The following CDH13 variants were observed in gnomAD, a reference collection of about 807,000 sequenced individuals.
CDH13 encodes cadherin 13.
CDH13 carries 24 observed loss-of-function variants against 63.8 expected under a neutral mutation model. That is an observed-to-expected ratio of 0.38 (90% CI 0.27 to 0.53). The LOEUF is 0.53. Ranked by LOEUF, CDH13 falls within the 20% of genes least tolerant of loss-of-function variation. The probability of loss-of-function intolerance (pLI) is 0.85; values close to 1 mark genes in which losing one functional copy is unlikely to be tolerated. For missense variants in CDH13, 1,049 were observed against 903.1 expected (o/e 1.16, Z -2.07); for synonymous variants, 503 against 355.3 (o/e 1.42, Z -4.67).
intron 6 of CDH13, among the ~76,000 whole-genome samples, chr16:83,370,599 T>G (rs1443445156): frequency 6.6e-6 from 1 of 152,108 alleles, no homozygotes; most frequent in Non-Finnish European, 1.5e-5. Context: ...AGGTAGTTTT[T>G]TTGTTCTCAC....
intron 10 of CDH13, chr16:83,735,283 C>A (rs532696259): frequency 3.3e-5 from 5 of 152,314 alleles, no homozygotes; most frequent in African/African-American, 1.2e-4. Context: ...TCCCAAAGGA[C>A]CTCTCCCCAG....
At chr16:83,488,373 T>C (rs17759207) in intron 7 of CDH13, among the ~76,000 whole-genome samples, 15,332 of 151,936 alleles carry the variant, frequency 0.1, 828 homozygotes, top group Middle Eastern at 0.22. Flanking sequence ...TTTGTTGGCA[T>C]AGAGGGAAAA....
chr16:82,988,420 A>C (rs1911225678), intron 2 of CDH13, among the ~76,000 whole-genome samples: 1 of 152,040 alleles, frequency 6.6e-6, no homozygotes, highest in South Asian at 2.1e-4. Context: ...TTATAGAGGC[A>C]GATGTTGAAG....
intron 5 of CDH13, among the ~76,000 whole-genome samples, chr16:83,284,177 G>C (rs2089252838): frequency 1.3e-5 from 2 of 152,084 alleles, no homozygotes; most frequent in Admixed American, 1.3e-4. Context: ...TTAGTTCTGG[G>C]GAAGTGTTGG....
At chr16:83,429,887 A>G (rs2072042273) in intron 6 of CDH13, among the ~76,000 whole-genome samples, 1 of 152,214 alleles carries the variant, frequency 6.6e-6, no homozygotes, top group Non-Finnish European at 1.5e-5. Flanking sequence ...GCCAAAAGCT[A>G]TCTAGAGCTA....
intron 3 of CDH13, among the ~76,000 whole-genome samples, chr16:83,118,055 C>T (rs775586257): frequency 1.3e-5 from 2 of 152,146 alleles, no homozygotes; most frequent in Non-Finnish European, 2.9e-5. Flanking sequence ...TCCCTGAAGA[C>T]ACAACACTGC....
chr16:83,367,308 T>A (rs1290652430), intron 6 of CDH13, among the ~76,000 whole-genome samples: 1 of 152,240 alleles, frequency 6.6e-6, no homozygotes, highest in East Asian at 1.9e-4. Context: ...AGCACTTCAT[T>A]TCATTTTATT....
intron 6 of CDH13, among the ~76,000 whole-genome samples, chr16:83,429,727 C>T (rs772999067): frequency 6.6e-6 from 1 of 152,154 alleles, no homozygotes; most frequent in Non-Finnish European, 1.5e-5. Context: ...TGTAAAATAC[C>T]TTTATAATAT....
At chr16:83,416,203 A>G (rs1567657499) in intron 6 of CDH13, among the ~76,000 whole-genome samples, 1 of 152,232 alleles carries the variant, frequency 6.6e-6, no homozygotes, top group Non-Finnish European at 1.5e-5. Flanking sequence ...ACAGTGAAAG[A>G]CATGTATTCT....
chr16:82,688,777 A>G (rs1483003904), intron 1 of CDH13, among the ~76,000 whole-genome samples: 2 of 152,240 alleles, frequency 1.3e-5, no homozygotes, highest in African/African-American at 4.8e-5. Flanking sequence ...AAAGCAATAA[A>G]ATAAGGTAAG....
intron 1 of CDH13, among the ~76,000 whole-genome samples, chr16:82,696,749 C>A (rs192935038): frequency 2.0e-5 from 3 of 152,026 alleles, no homozygotes. Flanking sequence ...AGAAATTTTC[C>A]CCAAATTTAG....
At chr16:83,557,742 A>G (rs1301505884) in intron 7 of CDH13, among the ~76,000 whole-genome samples, 2 of 151,930 alleles carry the variant, frequency 1.3e-5, no homozygotes, top group African/African-American at 2.4e-5. Context: ...CTTGGTTGGT[A>G]CCTTTCATCT....
At chr16:83,592,032 C>A (rs1374684045) in intron 7 of CDH13, among the ~76,000 whole-genome samples, 2 of 152,182 alleles carry the variant, frequency 1.3e-5, no homozygotes, top group African/African-American at 4.8e-5. Context: ...CTCCACCTCT[C>A]CACCTATAAT....
intron 1 of CDH13, among the ~76,000 whole-genome samples, chr16:82,846,214 C>G (rs1183954297): frequency 6.6e-6 from 1 of 152,174 alleles, no homozygotes; most frequent in African/African-American, 2.4e-5. Flanking sequence ...TTTCAATCAT[C>G]TTTCTAATAT....
At chr16:83,378,608 A>G (rs1182796962) in intron 6 of CDH13, among the ~76,000 whole-genome samples, 2 of 152,158 alleles carry the variant, frequency 1.3e-5, no homozygotes, top group East Asian at 1.9e-4. Flanking sequence ...AGACTCTGAT[A>G]TGATCCAGTT....
At chr16:83,350,577 T>A (rs142664901) in intron 6 of CDH13, among the ~76,000 whole-genome samples, 5 of 152,268 alleles carry the variant, frequency 3.3e-5, no homozygotes, top group Non-Finnish European at 7.4e-5. Context: ...CCATCCAGTA[T>A]GCTTAGCAAG....
chr16:83,069,548 A>C lies in CDH13; in HGVS notation c.366+37330A>C, dbSNP rs115904023. Among the ~76,000 whole-genome samples the C allele has an allele frequency of 8.6e-4, 131 of 152,298 alleles. 1 individual carries two copies. Among genetic ancestry groups the C allele is most frequent in the Non-Finnish European group, 1.4e-3 (93 of 68,030 alleles). ...GCATGAAGAGGGTAAGTCACCATCC[A>C]AAGTCACCTATCTAAAAAATGCAAA... On this transcript the variant is annotated intron_variant, in intron 3 of 13. Coordinates refer to ENST00000567109, the MANE Select transcript of CDH13 (RefSeq NM_001257.5).
At chr16:82,922,303 T>C (rs1194733711) in intron 2 of CDH13, among the ~76,000 whole-genome samples, 1 of 152,182 alleles carries the variant, frequency 6.6e-6, no homozygotes, top group Non-Finnish European at 1.5e-5. Context: ...ACTGGACAAC[T>C]TTTCACATAA....
intron 1 of CDH13, among the ~76,000 whole-genome samples, chr16:82,706,532 G>A (rs145406350): frequency 3.3e-5 from 5 of 152,070 alleles, no homozygotes; most frequent in African/African-American, 1.2e-4. Context: ...ACAGTTCTCT[G>A]TAATGTTCAG....
Sources: allele counts gnomAD v4.1 joint callset (sites outside exome capture counted in the v4.1 genomes callset), GRCh38; gene constraint gnomAD v4.1.1; transcripts MANE v1.5; gene names NCBI Gene and HGNC (gene_info 2026-07-23, HGNC 2026-07-21).